The following CCDC60 variants were observed in gnomAD, a reference collection of about 807,000 sequenced individuals.
The protein encoded by CCDC60 is coiled-coil domain-containing protein 60.
In CCDC60, 54 loss-of-function variants were observed where a neutral mutation model predicts 63.5. The observed-to-expected ratio is 0.85, with a 90% CI of 0.68 to 1.07. The LOEUF is 1.07. CCDC60 is among the 50% of genes least tolerant of loss of function. CCDC60 has a pLI of 0.00. For synonymous variants in CCDC60, 206 were observed against 238.8 expected (o/e 0.86, Z 1.27); for missense variants, 651 against 684.3 (o/e 0.95, Z 0.54).
intron 1 of CCDC60, among the ~76,000 whole-genome samples, chr12:119,358,263 C>G (rs1592987889): frequency 6.6e-6 from 1 of 152,170 alleles, no homozygotes; most frequent in African/African-American, 2.4e-5. Flanking sequence ...TGGCTTATTT[C>G]ACTTGCTATA....
chr12:119,497,945 G>C (rs11064815), intron 5 of CCDC60, among the ~76,000 whole-genome samples: 1 of 152,140 alleles, frequency 6.6e-6, no homozygotes, highest in African/African-American at 2.4e-5. Flanking sequence ...TAATTATTCA[G>C]AGGGCTTTTT....
intron 1 of CCDC60, among the ~76,000 whole-genome samples, chr12:119,362,283 T>G (rs1955798814): frequency 6.6e-6 from 1 of 152,162 alleles, no homozygotes; most frequent in Non-Finnish European, 1.5e-5. Flanking sequence ...GTTTAAAACT[T>G]AAGTTACAGC....
chr12:119,518,667 G>A (rs1952417483), intron 8 of CCDC60, among the ~76,000 whole-genome samples: 1 of 152,072 alleles, frequency 6.6e-6, no homozygotes, highest in African/African-American at 2.4e-5. Flanking sequence ...TAACATATTA[G>A]CATGTGCCTG....
At chr12:119,402,665 A>G (rs1170828826) in intron 1 of CCDC60, among the ~76,000 whole-genome samples, 1 of 152,230 alleles carries the variant, frequency 6.6e-6, no homozygotes, top group African/African-American at 2.4e-5. Flanking sequence ...TTAGACACTT[A>G]GTAGGTAAAT....
intron 2 of CCDC60, among the ~76,000 whole-genome samples, chr12:119,459,383 A>G (rs1351250748): frequency 1.3e-5 from 2 of 152,234 alleles, no homozygotes; most frequent in African/African-American, 4.8e-5. Flanking sequence ...AAATTATGAC[A>G]ATAAAAGAAA....
chr12:119,376,973 G>A (rs12306360), intron 1 of CCDC60, among the ~76,000 whole-genome samples: 29,277 of 151,996 alleles, frequency 0.19, 3,468 homozygotes, highest in Non-Finnish European at 0.27. Context: ...TTCCAACTCA[G>A]GCCAGACACA....
intron 12 of CCDC60, among the ~76,000 whole-genome samples, chr12:119,529,076 C>A (rs1952767898): frequency 6.6e-6 from 1 of 152,140 alleles, no homozygotes; most frequent in South Asian, 2.1e-4. Flanking sequence ...AAAATTTCTA[C>A]AGATTCTGAG....
In CCDC60 at chr12:119,523,003, T is replaced by G. The variant is rs1017698058; in HGVS notation, c.1103+2T>G. The G allele has an allele frequency of 6.2e-7, 1 of 1,613,870 alleles. No individual in the cohort carries two copies. Among genetic ancestry groups the G allele is most frequent in the South Asian group, 1.1e-5 (1 of 91,078 alleles). On this transcript the variant is annotated splice_donor_variant, in intron 10 of 13. Transcript: ENST00000327554. LOFTEE classifies it high-confidence loss of function. ...ACCAGTCCAGAAGAAGTCTAAAAAGTAAGCCAGGAGGGCAATGGAAGGAAC... is the reference window on the plus strand; with the variant it reads ...ACCAGTCCAGAAGAAGTCTAAAAAGGAAGCCAGGAGGGCAATGGAAGGAAC...
In CCDC60 at chr12:119,519,465, A is replaced by ATTT. The variant is rs1452050210; in HGVS notation, c.969-655_969-654insTTT. 8.7e-3 allele frequency among the ~76,000 whole-genome samples: 1,063 copies of ATTT among 122,240 alleles called. 25 individuals carry two copies. Among genetic ancestry groups the ATTT allele is most frequent in the African/African-American group, 0.034 (1,003 of 29,272 alleles). The allele number at this position is 122,240 out of a possible 152,430, so 80.2% of individuals were successfully genotyped here. A position where few individuals can be genotyped will look rare whatever the true frequency, so the allele number is the denominator to read the frequency against. ...TGTGTGTGTGTGTATATATATATAT[A>ATTT]TATTTTTTTTTTTTTTTGACAGAGT... On this transcript the variant is annotated intron_variant, in intron 8 of 13. Transcript: ENST00000327554.
chr12:119,387,314 C>CA (rs1192012955), intron 1 of CCDC60, among the ~76,000 whole-genome samples: 2 of 151,822 alleles, frequency 1.3e-5, no homozygotes, highest in South Asian at 4.2e-4. Flanking sequence ...ACAACAACAA[C>CA]AAAAAAAACC....
At chr12:119,372,681 C>T (rs191226045) in intron 1 of CCDC60, among the ~76,000 whole-genome samples, 345 of 152,230 alleles carry the variant, frequency 2.3e-3, no homozygotes, top group Non-Finnish European at 4.0e-3. Flanking sequence ...TGAGTCCCCC[C>T]GCCTTATCAG....
chr12:119,477,242 T>C (rs1951194553), intron 3 of CCDC60, among the ~76,000 whole-genome samples: 1 of 152,230 alleles, frequency 6.6e-6, no homozygotes, highest in African/African-American at 2.4e-5. Context: ...CGGAATCACA[T>C]GACTTCTGAC....
intron 1 of CCDC60, among the ~76,000 whole-genome samples, chr12:119,368,088 G>T (rs1346119222): frequency 4.7e-5 from 7 of 149,266 alleles, no homozygotes; most frequent in Non-Finnish European, 7.4e-5. Context: ...AAGGAGGAGG[G>T]GGAGGAGGAG....
chr12:119,511,799 G>A (rs967265145), intron 7 of CCDC60, among the ~76,000 whole-genome samples: 2 of 152,196 alleles, frequency 1.3e-5, no homozygotes, highest in Non-Finnish European at 1.5e-5. Flanking sequence ...CTTATGAGTT[G>A]GGGGTAGGAG....
intron 1 of CCDC60, among the ~76,000 whole-genome samples, chr12:119,407,778 G>A (rs1026055557): frequency 2.6e-5 from 4 of 152,036 alleles, no homozygotes; most frequent in African/African-American, 9.7e-5. Context: ...CACTCCAGAA[G>A]GTGTATTTCT....
intron 1 of CCDC60, among the ~76,000 whole-genome samples, chr12:119,419,604 C>A (rs1327675842): frequency 6.6e-6 from 1 of 152,172 alleles, no homozygotes; most frequent in Non-Finnish European, 1.5e-5. Context: ...CATTCATCTT[C>A]TCATTCATTC....
intron 1 of CCDC60, among the ~76,000 whole-genome samples, chr12:119,393,105 A>G: frequency 6.6e-6 from 1 of 152,234 alleles, no homozygotes; most frequent in South Asian, 2.1e-4. Flanking sequence ...TTGAGGCTGC[A>G]GTGAGTTGTA....
intron 1 of CCDC60, among the ~76,000 whole-genome samples, chr12:119,423,788 T>C (rs1043740510): frequency 1.3e-5 from 2 of 152,206 alleles, no homozygotes; most frequent in African/African-American, 4.8e-5. Context: ...CTGTATTAAA[T>C]TCCCTTTGTT....
chr12:119,433,302 C>T (rs1950265553), intron 2 of CCDC60: 1 of 661,018 alleles, frequency 1.5e-6, no homozygotes, highest in Non-Finnish European at 2.7e-6. Context: ...TGCCACTCTT[C>T]AGTTGGTCAG....
Sources: gnomAD v4.1 joint callset for allele counts (sites outside exome capture counted in the v4.1 genomes callset) on GRCh38, gnomAD v4.1.1 for gene constraint, MANE v1.5 for transcripts, NCBI Gene and HGNC (gene_info 2026-07-23, HGNC 2026-07-21) for gene names.